Variants in CTTNBP2NL observed in about 807,000 individuals in gnomAD.
CTTNBP2NL encodes CTTNBP2 N-terminal-like protein.
In CTTNBP2NL, 16 loss-of-function variants were observed where a neutral mutation model predicts 32.5. The ratio of observed to expected loss-of-function variants is 0.49; its 90% CI spans 0.33 to 0.75. The LOEUF (loss-of-function observed/expected upper bound fraction) is 0.75, where lower values mean the gene tolerates loss of function less well. Among genes scored for constraint, CTTNBP2NL ranks in the 30% least tolerant of loss-of-function variants. CTTNBP2NL has a pLI of 0.02. For missense variants in CTTNBP2NL, 645 were observed against 756.0 expected (o/e 0.85, Z 1.72); for synonymous variants, 298 against 289.4 (o/e 1.03, Z -0.30).
intron 2 of CTTNBP2NL, among the ~76,000 whole-genome samples, chr1:112,413,067 A>G (rs1298302313): frequency 1.3e-5 from 2 of 152,214 alleles, no homozygotes; most frequent in Non-Finnish European, 2.9e-5. Flanking sequence ...CTGTTTTGTA[A>G]TTAAAGTGAC....
intron 2 of CTTNBP2NL, among the ~76,000 whole-genome samples, chr1:112,413,292 A>G (rs916030025): frequency 1.3e-5 from 2 of 152,346 alleles, no homozygotes; most frequent in African/African-American, 2.4e-5. Flanking sequence ...GGACTTCCCA[A>G]TTGCAAAAGG....
chr1:112,447,649 T>TA (rs143454169), intron 3 of CTTNBP2NL, among the ~76,000 whole-genome samples: 14,450 of 150,032 alleles, frequency 0.096, 966 homozygotes, highest in Non-Finnish European at 0.15. Context: ...ACTTCTGTGT[T>TA]AAAAAAAAAA....
intron 1 of CTTNBP2NL, among the ~76,000 whole-genome samples, chr1:112,401,075 G>A (rs2999475): frequency 0.13 from 19,572 of 151,934 alleles, 4,138 homozygotes; most frequent in African/African-American, 0.44. Context: ...TAATTGACAG[G>A]TATTATTATT....
chr1:112,451,885 A>G (rs997130267), intron 4 of CTTNBP2NL, among the ~76,000 whole-genome samples: 1 of 151,998 alleles, frequency 6.6e-6, no homozygotes, highest in Non-Finnish European at 1.5e-5. Context: ...TCCAGGTTCC[A>G]TCTCTTTGGG....
intron 2 of CTTNBP2NL, 57 bp from the exon 3 acceptor site, chr1:112,416,100 A>T: frequency 2.3e-6 from 2 of 888,378 alleles, no homozygotes; most frequent in Non-Finnish European, 1.8e-6. Context: ...TTTTTTCTTT[A>T]ATTGTATCAA....
At chr1:112,407,810 T>C (rs1648712600) in intron 1 of CTTNBP2NL, among the ~76,000 whole-genome samples, 1 of 151,426 alleles carries the variant, frequency 6.6e-6, no homozygotes, top group East Asian at 1.9e-4. Context: ...CTTTTGTAAA[T>C]AGTAACAAAA....
chr1:112,412,493 TA>T (rs1445093403), intron 2 of CTTNBP2NL, among the ~76,000 whole-genome samples, 176 bp downstream of exon 2: 1 of 152,154 alleles, frequency 6.6e-6, no homozygotes, highest in African/African-American at 2.4e-5. Flanking sequence ...AAATGGTGGT[TA>T]TTGGAATATG....
At chr1:112,402,112 A>G (rs918613457) in intron 1 of CTTNBP2NL, among the ~76,000 whole-genome samples, 3 of 152,018 alleles carry the variant, frequency 2.0e-5, no homozygotes, top group Non-Finnish European at 4.4e-5. Flanking sequence ...CTCTGGGTCT[A>G]CTCACCATAG....
At chr1:112,451,918 C>T (rs1229888909) in intron 4 of CTTNBP2NL, among the ~76,000 whole-genome samples, 2 of 152,144 alleles carry the variant, frequency 1.3e-5, no homozygotes, top group Non-Finnish European at 2.9e-5. Context: ...AAAACAGCTT[C>T]CCTCCTTCAA....
chr1:112,444,688 C>T (rs904594972), intron 3 of CTTNBP2NL, among the ~76,000 whole-genome samples: 2 of 152,072 alleles, frequency 1.3e-5, no homozygotes, highest in African/African-American at 2.4e-5. Flanking sequence ...TACTAAACCC[C>T]CTCCAAACTC....
chr1:112,451,302 ATCCT>A (rs1426505421), intron 4 of CTTNBP2NL, among the ~76,000 whole-genome samples: 2 of 149,580 alleles, frequency 1.3e-5, no homozygotes, highest in African/African-American at 4.9e-5. Context: ...AACAAATTTA[ATCCT>A]CTTTTCCCAC....
intron 3 of CTTNBP2NL, among the ~76,000 whole-genome samples, chr1:112,421,426 A>G (rs544809369): frequency 4.1e-5 from 6 of 147,826 alleles, no homozygotes; most frequent in Admixed American, 1.4e-4. Context: ...TCAGCCTCCC[A>G]AGTAGCTGGG....
At chr1:112,451,082 C>T (rs909123560) in intron 4 of CTTNBP2NL, among the ~76,000 whole-genome samples, 4 of 152,000 alleles carry the variant, frequency 2.6e-5, no homozygotes, top group African/African-American at 9.7e-5. Flanking sequence ...TATTCCACCT[C>T]TTCTCATTCC....
At chr1:112,449,214 T>G (rs1332369826) in intron 4 of CTTNBP2NL, 42 bp downstream of exon 4, 1 of 1,156,636 alleles carries the variant, frequency 8.6e-7, no homozygotes, top group African/African-American at 1.5e-5. Flanking sequence ...TGTGAAGTCT[T>G]TATAAATTAT....
chr1:112,460,432 G>A lies in CTTNBP2NL; in HGVS notation c.*3020G>A, dbSNP rs1557901394. The A allele has an allele frequency of 6.6e-6, 1 of 152,090 alleles. No individual in the cohort carries two copies. Among genetic ancestry groups the A allele is most frequent in the Non-Finnish European group, 1.5e-5 (1 of 68,006 alleles). The allele number at this position is 152,090 out of a possible 1,614,324, so 9.4% of individuals were successfully genotyped here. On this transcript the variant is annotated 3_prime_UTR_variant, in exon 6 of 6. Transcript: ENST00000271277. ...CTTTAGAGTCTTAGAGCTGGAAAAAGCCTTTACAATAATCCAGTCTGTGAT... is the reference window on the plus strand; with the variant it reads ...CTTTAGAGTCTTAGAGCTGGAAAAAACCTTTACAATAATCCAGTCTGTGAT...
chr1:112,456,905 T>G lies in CTTNBP2NL; in HGVS notation c.1413T>G (p.Asp471Glu), dbSNP rs777217123. The G allele has an allele frequency of 6.2e-7, 1 of 1,614,000 alleles. No homozygotes were observed. The highest frequency in any genetic ancestry group is 8.5e-7 in the Non-Finnish European group (1 of 1,180,012). Residue 471 changes from aspartate (D) to glutamate (E), a missense_variant, in exon 6 of 6, where the codon GAT becomes GAG. Transcript: ENST00000271277. ...GCCACAAATTTCAGTCCCAAGCAGATCAGGACCAACAAGCCAGTGGCCTAC... is the reference window on the plus strand; with the variant it reads ...GCCACAAATTTCAGTCCCAAGCAGAGCAGGACCAACAAGCCAGTGGCCTAC... ...AARHKFQSQADQDQQASGLQS... is the reference protein window; with the variant it reads ...AARHKFQSQAEQDQQASGLQS...
rs1350330036 is a variant in CTTNBP2NL at position 112,460,578 on chromosome 1, A to G, written c.*3166A>G. On this transcript the variant is annotated 3_prime_UTR_variant, in exon 6 of 6. Transcript: ENST00000271277. ...TTGTTTGATGGCTTCATAGGATCCA[A>G]AGACCCTGAAGCCATCCATGGCTCA... 1 of 152,218 alleles carries G rather than the reference A, an allele frequency of 6.6e-6. No homozygotes were observed. Among genetic ancestry groups the G allele is most frequent in the Non-Finnish European group, 1.5e-5 (1 of 68,028 alleles). The allele number at this position is 152,218 out of a possible 1,614,324, so 9.4% of individuals were successfully genotyped here.
intron 2 of CTTNBP2NL, 128 bp from the exon 3 acceptor site, chr1:112,416,029 A>C: frequency 1.6e-6 from 1 of 614,476 alleles, no homozygotes; most frequent in South Asian, 1.9e-5. Context: ...TTTCTATTTA[A>C]TTTCAACTAT....
Position 112,454,566 on chromosome 1 carries a change from G to GT in CTTNBP2NL, c.438+11dup. The GT allele has an allele frequency of 6.4e-7, 1 of 1,564,890 alleles. No individual in the cohort carries two copies. Among genetic ancestry groups the GT allele is most frequent in the Non-Finnish European group, 8.8e-7 (1 of 1,135,348 alleles). ...GAGGCTGACTCAACAGGTAATTAAG[G>GT]TAGAGGGATTCACAGTAGCATTTGC... On this transcript the variant is annotated intron_variant, in intron 5 of 5. Coordinates refer to ENST00000271277, the MANE Select transcript of CTTNBP2NL (RefSeq NM_018704.3).
Sources: gnomAD v4.1 joint callset for allele counts (sites outside exome capture counted in the v4.1 genomes callset) on GRCh38, gnomAD v4.1.1 for gene constraint, MANE v1.5 for transcripts, NCBI Gene and HGNC (gene_info 2026-07-23, HGNC 2026-07-21) for gene names.